Variants in SNRPN observed in about 807,000 individuals in gnomAD.
SNRPN encodes the protein small nuclear ribonucleoprotein polypeptide N, also known as small nuclear ribonucleoprotein-associated protein N.
A neutral mutation model predicts 25.2 loss-of-function variants in SNRPN; 7 were observed. The observed-to-expected ratio is 0.28, with a 90% confidence interval of 0.16 to 0.52. The LOEUF is 0.52. Ranked by LOEUF, SNRPN falls within the 20% of genes least tolerant of loss-of-function variation. SNRPN has a pLI of 0.96. For missense variants in SNRPN, 196 were observed against 322.5 expected (o/e 0.61, Z 3.00); for synonymous variants, 124 against 110.6 (o/e 1.12, Z -0.76).
At chr15:24,923,578 G>C (rs145768782) in intron 3 of SNRPN, among the ~76,000 whole-genome samples, 3 of 152,300 alleles carry the variant, frequency 2.0e-5, no homozygotes, top group Admixed American at 6.5e-5. Flanking sequence ...ATAAAGCAGA[G>C]TGGGTAAGTA....
intron 1 of SNRPN, among the ~76,000 whole-genome samples, chr15:24,881,307 G>A (rs1411271722): frequency 6.6e-6 from 1 of 151,784 alleles, no homozygotes; most frequent in East Asian, 1.9e-4. Flanking sequence ...TGGATCACCT[G>A]AGGTCAGGAG....
At chr15:24,894,632 A>G (rs1247928380) in intron 2 of SNRPN, among the ~76,000 whole-genome samples, 1 of 152,206 alleles carries the variant, frequency 6.6e-6, no homozygotes, top group African/African-American at 2.4e-5. Context: ...TACAGTCACA[A>G]TCTAGATAAT....
intron 2 of SNRPN, among the ~76,000 whole-genome samples, chr15:24,903,438 C>G (rs900953570): frequency 2.0e-5 from 3 of 152,070 alleles, no homozygotes. Flanking sequence ...AAAACAAAAA[C>G]AAAACATCCT....
intron 3 of SNRPN, among the ~76,000 whole-genome samples, chr15:24,945,545 C>T (rs1443747002): frequency 6.6e-6 from 1 of 151,690 alleles, no homozygotes; most frequent in Non-Finnish European, 1.5e-5. Flanking sequence ...AGAAAGGCCC[C>T]ATCTCTTTAA....
intron 3 of SNRPN, among the ~76,000 whole-genome samples, chr15:24,943,878 G>A (rs542269210): frequency 5.3e-5 from 8 of 152,106 alleles, no homozygotes; most frequent in Admixed American, 1.3e-4. Context: ...CTGGAGTGCA[G>A]TGGCATGATC....
intron 2 of SNRPN, 24 bp downstream of exon 2, chr15:24,962,233 C>G (rs375201041): frequency 6.3e-6 from 10 of 1,581,930 alleles, no homozygotes; most frequent in Non-Finnish European, 8.7e-6. Context: ...GTGTTGGGAA[C>G]AAATGCAAGT....
At chr15:24,916,638 A>G (rs1233715488) in intron 2 of SNRPN, among the ~76,000 whole-genome samples, 7 of 152,230 alleles carry the variant, frequency 4.6e-5, no homozygotes, top group Non-Finnish European at 2.9e-5. Flanking sequence ...ATATGTGTAC[A>G]TGGATTATAG....
chr15:24,904,012 C>G (rs1462533780), intron 2 of SNRPN, among the ~76,000 whole-genome samples: 1 of 148,370 alleles, frequency 6.7e-6, no homozygotes, highest in East Asian at 2.0e-4. Flanking sequence ...GCATTCCAGC[C>G]TGGGCTACAA....
At chr15:24,971,982 G>A (rs780913679) in intron 3 of SNRPN, among the ~76,000 whole-genome samples, 29 of 152,166 alleles carry the variant, frequency 1.9e-4, no homozygotes, top group Non-Finnish European at 3.2e-4. Flanking sequence ...CTGGCTGGGC[G>A]CAGTGGCTCA....
intron 3 of SNRPN, among the ~76,000 whole-genome samples, chr15:24,920,776 T>C (rs1449109909): frequency 6.7e-6 from 1 of 149,946 alleles, no homozygotes; most frequent in Non-Finnish European, 1.5e-5. Flanking sequence ...TAACAATTCT[T>C]CCAGTGTTTT....
chr15:24,926,363 G>A (rs955775456), intron 3 of SNRPN, among the ~76,000 whole-genome samples: 11 of 151,984 alleles, frequency 7.2e-5, no homozygotes, highest in Non-Finnish European at 1.5e-4. Flanking sequence ...CTTTCCACCC[G>A]TAATGACAAT....
At chr15:24,977,743 C>T (rs769491735) in intron 7 of SNRPN, 35 bp from the exon 8 acceptor site, 2 of 1,548,986 alleles carry the variant, frequency 1.3e-6, no homozygotes, top group South Asian at 1.2e-5. Flanking sequence ...TGAAGGTTTG[C>T]ATCGCTTTGA....
intron 3 of SNRPN, among the ~76,000 whole-genome samples, chr15:24,972,938 A>C (rs1235351657): frequency 4.6e-5 from 7 of 152,148 alleles, no homozygotes; most frequent in Admixed American, 2.0e-4. Flanking sequence ...CCCAGGCTGG[A>C]GTACAGTGGT....
At chr15:24,896,529 C>T (rs753845850) in intron 2 of SNRPN, among the ~76,000 whole-genome samples, 9 of 151,868 alleles carry the variant, frequency 5.9e-5, no homozygotes, top group African/African-American at 1.2e-4. Flanking sequence ...CCGGCTAACA[C>T]GGTGAAACCT....
chr15:24,934,155 G>T (rs1391381739), intron 3 of SNRPN, among the ~76,000 whole-genome samples: 1 of 151,932 alleles, frequency 6.6e-6, no homozygotes, highest in Non-Finnish European at 1.5e-5. Flanking sequence ...AAAATTAGCT[G>T]GGTGTGGTGG....
In SNRPN at chr15:24,918,979, CAT is replaced by C. The variant is rs1435416466; in HGVS notation, c.-504-1030_-504-1029del. ...TATATATGCGCGCATATATATATAA[CAT>C]AATATATATGTGCGCATATATATAT... On this transcript the variant is annotated intron_variant, in intron 2 of 11. Coordinates refer to the SNRPN transcript ENST00000400097. Among the ~76,000 whole-genome samples the C allele has an allele frequency of 3.6e-5, 4 of 111,996 alleles. 1 individual carries two copies. Among genetic ancestry groups the C allele is most frequent in the African/African-American group, 7.5e-5 (2 of 26,554 alleles). 73.5% of individuals were successfully genotyped at this position (111,996 alleles called of 152,430 possible). A position where few individuals can be genotyped will look rare whatever the true frequency, so the allele number is the denominator to read the frequency against.
chr15:24,853,355 T>C (rs929327292), upstream of SNRPN, among the ~76,000 whole-genome samples: 1 of 152,184 alleles, frequency 6.6e-6, no homozygotes, highest in Admixed American at 6.5e-5. Context: ...TCAACTTTCC[T>C]GGTCTTTCAT....
chr15:24,959,858 G>T (rs772337026), intron 1 of SNRPN, among the ~76,000 whole-genome samples: 4 of 152,170 alleles, frequency 2.6e-5, no homozygotes, highest in Admixed American at 1.3e-4. Flanking sequence ...TTAATACAAA[G>T]AATTAGTTTC....
intron 2 of SNRPN, chr15:24,848,239 G>C (rs1408645676): frequency 5.8e-5 from 8 of 137,828 alleles, no homozygotes; most frequent in Non-Finnish European, 1.1e-4. Context: ...GGTGGGGGCG[G>C]GGGCGGCGGC....
Sources: gnomAD v4.1 joint callset for allele counts (sites outside exome capture counted in the v4.1 genomes callset) on GRCh38, gnomAD v4.1.1 for gene constraint, MANE v1.5 for transcripts, NCBI Gene and HGNC (gene_info 2026-07-23, HGNC 2026-07-21) for gene names.